Variants in MYO1H observed in about 807,000 individuals in gnomAD.
MYO1H encodes unconventional myosin-Ih.
MYO1H carries 118 observed loss-of-function variants against 149.3 expected under a neutral mutation model. The ratio of observed to expected loss-of-function variants is 0.79; its 90% CI spans 0.68 to 0.92. The LOEUF is 0.92. Ranked by LOEUF, MYO1H falls within the 40% of genes least tolerant of loss-of-function variation. The pLI, the probability that MYO1H is intolerant of heterozygous loss-of-function variation, is 0.00. For synonymous variants in MYO1H, 447 were observed against 465.2 expected (o/e 0.96, Z 0.50); for missense variants, 1,212 against 1,280.7 (o/e 0.95, Z 0.82).
At chr12:109,393,002 G>T (rs367799845) in intron 2 of MYO1H, among the ~76,000 whole-genome samples, 1 of 151,624 alleles carries the variant, frequency 6.6e-6, no homozygotes, top group Admixed American at 6.6e-5. Flanking sequence ...GTAGAGATGG[G>T]GTTTTACCAT....
chr12:109,414,489 A>G (rs1383693876), intron 14 of MYO1H, among the ~76,000 whole-genome samples: 2 of 151,088 alleles, frequency 1.3e-5, no homozygotes, highest in Non-Finnish European at 2.9e-5. Context: ...AAAAAAAAAA[A>G]AAAAGAAAGA....
chr12:109,320,982 G>A, the MYO1H span, among the ~76,000 whole-genome samples: 2 of 151,920 alleles, frequency 1.3e-5, no homozygotes, highest in African/African-American at 4.8e-5. Flanking sequence ...CAGCTACTTG[G>A]GAGGCTGAGG....
intron 1 of MYO1H, among the ~76,000 whole-genome samples, chr12:109,378,432 C>T (rs1869131719): frequency 6.6e-6 from 1 of 152,000 alleles, no homozygotes; most frequent in Non-Finnish European, 1.5e-5. Context: ...GCAATCCTCC[C>T]ACCTCAGCCT....
chr12:109,345,441 A>G (rs1195042142), upstream of MYO1H, among the ~76,000 whole-genome samples: 1 of 152,192 alleles, frequency 6.6e-6, no homozygotes, highest in Non-Finnish European at 1.5e-5. Flanking sequence ...CTAGAATAAA[A>G]AAGGTGAACA....
Position 109,445,629 on chromosome 12 carries a change from G to T in MYO1H, c.3093+17G>T. On this transcript the variant is annotated intron_variant, in intron 31 of 31. Coordinates refer to ENST00000310903, the Ensembl canonical transcript of MYO1H. Reference sequence around the variant, plus strand: ...TTAACAGTGGTGAGTGGCCGTCTCTGGGAGGGAAGTAAGCCGTTTTAGATG... The same window carrying T: ...TTAACAGTGGTGAGTGGCCGTCTCTTGGAGGGAAGTAAGCCGTTTTAGATG... 6.2e-7 allele frequency: 1 copy of T among 1,604,440 alleles called. No homozygotes were observed. The highest frequency in any genetic ancestry group is 1.1e-5 in the South Asian group (1 of 88,798).
intron 5 of MYO1H, among the ~76,000 whole-genome samples, chr12:109,399,081 T>C (rs1030451981): frequency 6.6e-6 from 1 of 152,230 alleles, no homozygotes; most frequent in African/African-American, 2.4e-5. Context: ...CGGAGCTCAA[T>C]GTTCAGGACA....
At chr12:109,412,159 A>G (rs1444811353) in intron 14 of MYO1H, among the ~76,000 whole-genome samples, 174 bp downstream of exon 14, 1 of 152,014 alleles carries the variant, frequency 6.6e-6, no homozygotes, top group Non-Finnish European at 1.5e-5. Flanking sequence ...AACCTAAATG[A>G]ATTATAATTT....
At chr12:109,341,149 C>T in the MYO1H span, among the ~76,000 whole-genome samples, 1 of 130,480 alleles carries the variant, frequency 7.7e-6, no homozygotes, top group African/African-American at 2.9e-5. Flanking sequence ...GATTGTGCCA[C>T]TTGCACTCTA....
chr12:109,446,674 G>C (rs537066340), intron 31 of MYO1H, among the ~76,000 whole-genome samples: 119 of 152,308 alleles, frequency 7.8e-4, no homozygotes, highest in Non-Finnish European at 1.3e-3. Context: ...TGAGGCAGGA[G>C]AATTGCTTGA....
At chr12:109,407,715 T>C (rs1372303355) in intron 9 of MYO1H, 79 bp from the exon 10 acceptor site, 1 of 1,459,860 alleles carries the variant, frequency 6.8e-7, no homozygotes, top group African/African-American at 1.4e-5. Flanking sequence ...TATTTTTTTT[T>C]TAAGAAAAAA....
chr12:109,409,120 A>C (rs1428792543), intron 10 of MYO1H, among the ~76,000 whole-genome samples: 4 of 150,288 alleles, frequency 2.7e-5, no homozygotes, highest in Non-Finnish European at 5.9e-5. Flanking sequence ...TTAAATACCC[A>C]CCCTGGCCTG....
At chr12:109,386,776 C>T (rs1869334458) in intron 1 of MYO1H, among the ~76,000 whole-genome samples, 1 of 152,118 alleles carries the variant, frequency 6.6e-6, no homozygotes, top group Non-Finnish European at 1.5e-5. Context: ...TTCTGCTGTT[C>T]TGTGACTTGC....
intron 12 of MYO1H, 46 bp downstream of exon 12, chr12:109,410,114 TA>T: frequency 1.1e-6 from 1 of 931,236 alleles, no homozygotes; most frequent in Non-Finnish European, 1.5e-6. Context: ...TTCATCTAGC[TA>T]AAGACTTCTT....
chr12:109,367,661 C>A (rs1220194263), intron 1 of MYO1H, among the ~76,000 whole-genome samples: 1 of 152,088 alleles, frequency 6.6e-6, no homozygotes, highest in Non-Finnish European at 1.5e-5. Flanking sequence ...ACCCCATTCT[C>A]CTGCCTCAGC....
At chr12:109,406,679 C>A in intron 8 of MYO1H, 110 bp from the exon 9 acceptor site, 1 of 984,068 alleles carries the variant, frequency 1.0e-6, no homozygotes, top group Non-Finnish European at 1.6e-6. Flanking sequence ...TATGATTGTG[C>A]CACCACATTC....
rs79876758 is a variant in MYO1H at position 109,365,244 on chromosome 12, C to T, written c.12+17272C>T. On this transcript the variant is annotated intron_variant, in intron 1 of 31. Transcript: ENST00000310903. The stretch of plus-strand genomic sequence containing the variant: ...TGAGCTAAGATTGTGCCACTACACT[C>T]CAGCCTGGGCAACAGAGCAAGACCC... Among the ~76,000 whole-genome samples, 657 of 152,294 alleles carry T rather than the reference C, an allele frequency of 4.3e-3. 12 individuals carry two copies. Among genetic ancestry groups the T allele is most frequent in the East Asian group, 0.042 (220 of 5,186 alleles).
intron 1 of MYO1H, among the ~76,000 whole-genome samples, chr12:109,370,296 A>T (rs1592781964): frequency 6.6e-6 from 1 of 152,154 alleles, no homozygotes; most frequent in Non-Finnish European, 1.5e-5. Flanking sequence ...AACAGGACTG[A>T]GCAGGGGAAG....
the MYO1H span, among the ~76,000 whole-genome samples, chr12:109,318,763 G>A: frequency 6.6e-6 from 1 of 152,108 alleles, no homozygotes; most frequent in African/African-American, 2.4e-5. Flanking sequence ...ATGCAGTGTG[G>A]TGCCCTGGGT....
In MYO1H at chr12:109,424,933, A is replaced by G. The variant is rs535336978; in HGVS notation, c.1725+105A>G. The G allele has an allele frequency of 6.2e-6, 5 of 805,640 alleles. No homozygotes were observed. In the South Asian group the frequency reaches 7.5e-5, roughly 12 times the overall value. The allele number at this position is 805,640 out of a possible 1,614,324, so 49.9% of individuals were successfully genotyped here. On this transcript the variant is annotated intron_variant, in intron 17 of 31. Transcript: ENST00000310903. ...CACCTTCCCCTTTTCTGGAAGTATTACTCTCTAACAGATTCTACTAAATAT... is the reference window on the plus strand; with the variant it reads ...CACCTTCCCCTTTTCTGGAAGTATTGCTCTCTAACAGATTCTACTAAATAT...
Sources: allele counts gnomAD v4.1 joint callset (sites outside exome capture counted in the v4.1 genomes callset), GRCh38; gene constraint gnomAD v4.1.1; transcripts MANE v1.5; gene names NCBI Gene and HGNC (gene_info 2026-07-23, HGNC 2026-07-21).